The following LRP2 variants were observed in gnomAD, a reference collection of about 807,000 sequenced individuals.
The protein encoded by LRP2 is LDL receptor related protein 2.
LRP2 carries 172 observed loss-of-function variants against 531.0 expected under a neutral mutation model. The observed-to-expected ratio is 0.32, with a 90% CI of 0.29 to 0.37. The LOEUF is 0.37. Ranked by LOEUF, LRP2 falls within the 10% of genes least tolerant of loss-of-function variation. The pLI is 1.00. For missense variants in LRP2, 5,167 were observed against 5,868.3 expected (o/e 0.88, Z 3.90); for synonymous variants, 1,992 against 2,027.6 (o/e 0.98, Z 0.47).
intron 35 of LRP2, among the ~76,000 whole-genome samples, chr2:169,215,102 A>C (rs967728304): frequency 6.6e-6 from 1 of 152,204 alleles, no homozygotes; most frequent in Admixed American, 6.5e-5. Context: ...GCACACATGC[A>C]CCCAACTCTG....
In LRP2 at chr2:169,128,577, T is replaced by C. The variant is rs2105321704; in HGVS notation, c.*86A>G. The C allele has an allele frequency of 1.5e-6, 2 of 1,319,902 alleles. No homozygotes were observed. Among genetic ancestry groups the C allele is most frequent in the Non-Finnish European group, 2.2e-6 (2 of 915,232 alleles). 81.8% of individuals were successfully genotyped at this position (1,319,902 alleles called of 1,614,324 possible). A position where few individuals can be genotyped will look rare whatever the true frequency, so the allele number is the denominator to read the frequency against. On this transcript the variant is annotated 3_prime_UTR_variant, in exon 79 of 79. Coordinates refer to ENST00000649046, the MANE Select transcript of LRP2 (RefSeq NM_004525.3). ...GGAAAAATATATTTTTTTCATAAAG[T>C]ACTGAATGTTAACTTTTTTCATCTG...
intron 4 of LRP2, among the ~76,000 whole-genome samples, chr2:169,299,056 GAAGA>G (rs1361949991): frequency 9.1e-5 from 12 of 132,294 alleles, no homozygotes; most frequent in South Asian, 7.5e-4. Context: ...AATTCAGAAA[GAAGA>G]AAGAAAGAAG....
At chr2:169,275,695 C>G (rs1683534059) in intron 13 of LRP2, among the ~76,000 whole-genome samples, 1 of 152,074 alleles carries the variant, frequency 6.6e-6, no homozygotes, top group Admixed American at 6.6e-5. Context: ...GGGAGCAGGA[C>G]AGTGAGTGGT....
At chr2:169,236,189 G>A in intron 28 of LRP2, 121 bp from the exon 29 acceptor site, 1 of 792,246 alleles carries the variant, frequency 1.3e-6, no homozygotes, top group Non-Finnish European at 2.1e-6. Context: ...CTCTGGTTCA[G>A]AATATATTCA....
intron 1 of LRP2, among the ~76,000 whole-genome samples, chr2:169,343,109 TAC>T (rs1305755124): frequency 5.3e-5 from 8 of 152,190 alleles, no homozygotes. Flanking sequence ...TTCTCAGAGT[TAC>T]AGAGACATCA....
intron 16 of LRP2, among the ~76,000 whole-genome samples, chr2:169,267,375 T>C (rs1040852147): frequency 6.6e-6 from 1 of 151,970 alleles, no homozygotes; most frequent in Non-Finnish European, 1.5e-5. Context: ...CCTCAGCAAA[T>C]GTAAAAGAAC....
rs185581829 is a variant in LRP2, at chr2:169,150,414, G to T, written c.12590+484C>A. Among the ~76,000 whole-genome samples the T allele has an allele frequency of 2.7e-4, 41 of 152,208 alleles. No individual in the cohort carries two copies. The South Asian group carries it at 3.1e-3, about 12-fold the overall frequency. Reference sequence around the variant, plus strand: ...CACTGAGATGATTTATAGATAAATTGCAAATTGGAATATTTATACAAATGG... The same window carrying T: ...CACTGAGATGATTTATAGATAAATTTCAAATTGGAATATTTATACAAATGG... On this transcript the variant is annotated intron_variant, in intron 68 of 78. Coordinates refer to ENST00000649046, the MANE Select transcript of LRP2 (RefSeq NM_004525.3).
rs775560647 is a variant in LRP2, at chr2:169,280,511, C to A, written c.1180G>T (p.Ala394Ser). ...YCKANDSFGE[A>S]SIIFSNGRDL... ...CGACCATTGGAGAAGATAATGGAGG[C>A]CTCGCCAACTAAATGCGAAGAAGGA... The change falls in exon 11 of 79, where the codon GCC becomes TCC. Residue 394 changes from alanine (A) to serine (S), a missense_variant. Ala to Ser is a moderately conservative substitution (Grantham distance 99). Coordinates refer to ENST00000649046, the MANE Select transcript of LRP2 (RefSeq NM_004525.3). 3.7e-6 allele frequency: 6 copies of A among 1,613,940 alleles called. No homozygotes were observed. Among genetic ancestry groups the A allele is most frequent in the East Asian group, 2.2e-5 (1 of 44,872 alleles).
intron 1 of LRP2, 98 bp downstream of exon 1, chr2:169,362,223 C>A: frequency 9.1e-7 from 1 of 1,096,280 alleles, no homozygotes; most frequent in South Asian, 1.5e-5. Context: ...CGGCCCTAGC[C>A]CCTGCCCGGA....
Position 169,220,528 on chromosome 2 carries a change from T to A in LRP2, c.5574A>T (p.Lys1858Asn). 1 of 1,613,472 alleles carries A rather than the reference T, an allele frequency of 6.2e-7. No homozygotes were observed. The highest frequency in any genetic ancestry group is 8.5e-7 in the Non-Finnish European group (1 of 1,179,604). The change falls in exon 34 of 79, where the codon AAA becomes AAT. Residue 1858 changes from lysine to asparagine, a missense_variant. Coordinates refer to ENST00000649046, the MANE Select transcript of LRP2 (RefSeq NM_004525.3). Reference protein sequence around the residue: ...LTLHGDIRYRKTLIANDGTAL... With the variant: ...LTLHGDIRYRNTLIANDGTAL... Reference sequence around the variant, plus strand: ...CTGTCCCATCATTGGCAATCAATGTTTTTCTGTATCTGATATCTCCGTGGA... The same window carrying A: ...CTGTCCCATCATTGGCAATCAATGTATTTCTGTATCTGATATCTCCGTGGA...
intron 71 of LRP2, 23 bp downstream of exon 71, chr2:169,142,651 A>T: frequency 6.2e-7 from 1 of 1,612,942 alleles, no homozygotes; most frequent in South Asian, 1.1e-5. Flanking sequence ...AGGCCCCCAT[A>T]GCTGCTTGGG....
intron 44 of LRP2, 134 bp from the exon 45 acceptor site, chr2:169,199,045 C>T: frequency 1.2e-6 from 1 of 836,196 alleles, no homozygotes; most frequent in East Asian, 2.8e-5. Flanking sequence ...ATCAGAAAGG[C>T]AGGATCCATG....
chr2:169,215,519 A>G (rs1362049895), intron 35 of LRP2, among the ~76,000 whole-genome samples: 1 of 152,096 alleles, frequency 6.6e-6, no homozygotes, highest in Non-Finnish European at 1.5e-5. Flanking sequence ...TGCATTAATC[A>G]TGTTAAAATA....
At chr2:169,288,733 A>G (rs1393909806) in intron 9 of LRP2, among the ~76,000 whole-genome samples, 1 of 152,212 alleles carries the variant, frequency 6.6e-6, no homozygotes, top group Non-Finnish European at 1.5e-5. Flanking sequence ...CTGATGCCAA[A>G]TACTTGAAAA....
At chr2:169,302,771 G>A (rs2105484950) in intron 4 of LRP2, among the ~76,000 whole-genome samples, 1 of 151,470 alleles carries the variant, frequency 6.6e-6, no homozygotes, top group East Asian at 1.9e-4. Flanking sequence ...TAAATTGCAA[G>A]GGGTAAAGAA....
At chr2:169,326,682 C>T (rs1685071038) in intron 1 of LRP2, among the ~76,000 whole-genome samples, 1 of 151,000 alleles carries the variant, frequency 6.6e-6, no homozygotes, top group Non-Finnish European at 1.5e-5. Context: ...CGCCCATCGT[C>T]TGGGACGTGA....
chr2:169,310,884 T>C (rs1204335276), intron 3 of LRP2, among the ~76,000 whole-genome samples: 1 of 152,202 alleles, frequency 6.6e-6, no homozygotes, highest in Non-Finnish European at 1.5e-5. Context: ...TCAGAGCCTG[T>C]TATTGGACTA....
At chr2:169,173,327 T>C (rs1418287335) in intron 56 of LRP2, 103 bp from the exon 57 acceptor site, 6 of 1,445,154 alleles carry the variant, frequency 4.2e-6, no homozygotes, top group Non-Finnish European at 5.7e-6. Flanking sequence ...ATGACCATGT[T>C]ACCAAGCAAA....
intron 52 of LRP2, 67 bp from the exon 53 acceptor site, chr2:169,178,093 A>G (rs1687276365): frequency 8.7e-7 from 1 of 1,153,408 alleles, no homozygotes; most frequent in Middle Eastern, 2.8e-4. Context: ...CTTGCAGGAT[A>G]AAAGAATTCA....
Sources: allele counts gnomAD v4.1 joint callset (sites outside exome capture counted in the v4.1 genomes callset), GRCh38; gene constraint gnomAD v4.1.1; transcripts MANE v1.5; gene names NCBI Gene and HGNC (gene_info 2026-07-23, HGNC 2026-07-21).